Variants in SULF1 observed in about 807,000 individuals in gnomAD.
The protein encoded by SULF1 is sulfatase 1, also known as extracellular sulfatase Sulf-1.
SULF1 carries 46 observed loss-of-function variants against 110.5 expected under a neutral mutation model. That is an observed-to-expected ratio of 0.42 (90% CI 0.33 to 0.53). The LOEUF is 0.53. SULF1 is among the 20% of genes least tolerant of loss of function. The pLI is 0.12. For synonymous variants in SULF1, 371 were observed against 387.1 expected (o/e 0.96, Z 0.49); for missense variants, 941 against 1,094.2 (o/e 0.86, Z 1.98).
Position 69,604,011 on chromosome 8 carries a change from G to A in SULF1, c.1247+355G>A, listed in dbSNP as rs79418375. Among the ~76,000 whole-genome samples the A allele has an allele frequency of 4.6e-4, 70 of 152,302 alleles. 2 individuals are homozygous for A. The East Asian group carries it at 0.013, about 28-fold the overall frequency. ...TTCCCAACACAAGGAAAAGATAAATGAGATGATGAATATCCCAATTATCTT... is the reference window on the plus strand; with the variant it reads ...TTCCCAACACAAGGAAAAGATAAATAAGATGATGAATATCCCAATTATCTT... On this transcript the variant is annotated intron_variant, in intron 12 of 22. Transcript: ENST00000402687.
At chr8:69,468,236 A>G (rs1023076656) in intron 1 of SULF1, among the ~76,000 whole-genome samples, 2 of 152,194 alleles carry the variant, frequency 1.3e-5, no homozygotes, top group African/African-American at 4.8e-5. Context: ...TTCTATGAAT[A>G]ATATTGTATA....
At chr8:69,501,649 G>C (rs1250606030) in intron 2 of SULF1, among the ~76,000 whole-genome samples, 2 of 152,162 alleles carry the variant, frequency 1.3e-5, no homozygotes, top group Non-Finnish European at 2.9e-5. Flanking sequence ...TCTTTTCCTT[G>C]TTGGAGAAGC....
intron 13 of SULF1, among the ~76,000 whole-genome samples, chr8:69,619,084 A>G (rs1013191641): frequency 4.6e-5 from 7 of 152,184 alleles, no homozygotes; most frequent in Non-Finnish European, 8.8e-5. Flanking sequence ...ATTTATTTGA[A>G]TATATTTGAA....
At chr8:69,506,961 C>T (rs1032697276) in intron 3 of SULF1, among the ~76,000 whole-genome samples, 3 of 152,170 alleles carry the variant, frequency 2.0e-5, no homozygotes, top group Non-Finnish European at 4.4e-5. Context: ...CATTACTTTG[C>T]GGTGATGCTC....
chr8:69,471,400 G>GAA (rs11478873), intron 1 of SULF1, among the ~76,000 whole-genome samples: 2 of 139,700 alleles, frequency 1.4e-5, no homozygotes, highest in African/African-American at 5.2e-5. Flanking sequence ...GACAGGAAAC[G>GAA]AAAAAAAAAA....
At chr8:69,502,339 G>A (rs1346003248) in intron 3 of SULF1, among the ~76,000 whole-genome samples, 1 of 152,216 alleles carries the variant, frequency 6.6e-6, no homozygotes, top group African/African-American at 2.4e-5. Flanking sequence ...ATACTCCACA[G>A]TGTCAGGAGT....
At chr8:69,581,298 GA>G (rs1437517302) in intron 6 of SULF1, among the ~76,000 whole-genome samples, 1 of 152,168 alleles carries the variant, frequency 6.6e-6, no homozygotes, top group Non-Finnish European at 1.5e-5. Flanking sequence ...AATAAGATTT[GA>G]CTTTTCTGCG....
chr8:69,612,693 A>G (rs567171372), intron 13 of SULF1, among the ~76,000 whole-genome samples: 1 of 151,988 alleles, frequency 6.6e-6, no homozygotes, highest in African/African-American at 2.4e-5. Context: ...ACATTTTGAT[A>G]GAATTATTGG....
chr8:69,590,956 T>A (rs1806855656), intron 8 of SULF1, among the ~76,000 whole-genome samples: 3 of 152,288 alleles, frequency 2.0e-5, no homozygotes, highest in Admixed American at 1.3e-4. Context: ...CCCATTTCTG[T>A]TGAATCAGAA....
chr8:69,545,076 A>G (rs1814154536), intron 3 of SULF1, among the ~76,000 whole-genome samples: 2 of 135,796 alleles, frequency 1.5e-5, no homozygotes, highest in Admixed American at 8.3e-5. Flanking sequence ...ATAAAAAGAT[A>G]AAGGAATTCT....
At chr8:69,583,932 G>A (rs1407518283) in intron 6 of SULF1, among the ~76,000 whole-genome samples, 1 of 152,160 alleles carries the variant, frequency 6.6e-6, no homozygotes, top group East Asian at 1.9e-4. Context: ...AAAGAGAATT[G>A]CACAAGCAAA....
At chr8:69,569,532 G>T (rs139544400) in intron 5 of SULF1, among the ~76,000 whole-genome samples, 1 of 152,178 alleles carries the variant, frequency 6.6e-6, no homozygotes, top group East Asian at 1.9e-4. Flanking sequence ...ATGCCAAGGT[G>T]CAGGTGCCAT....
At position 69,545,364 on chromosome 8, in the gene SULF1, G is replaced by A. The variant is rs534678942; in HGVS notation, c.-133-18175G>A. On this transcript the variant is annotated intron_variant, in intron 3 of 22. Transcript: ENST00000402687. ...AATGGTTGTAGAATGAGAAAAAACA[G>A]TAGGGTTAGTTAGGAGATATAATTG... Among the ~76,000 whole-genome samples the A allele has an allele frequency of 4.6e-5, 7 of 152,310 alleles. No homozygotes were observed. In the South Asian group the frequency reaches 1.4e-3, roughly 32 times the overall value.
intron 18 of SULF1, among the ~76,000 whole-genome samples, chr8:69,628,504 T>G (rs1197966800): frequency 6.6e-6 from 1 of 152,210 alleles, no homozygotes; most frequent in Admixed American, 6.5e-5. Flanking sequence ...ATGGGACCAG[T>G]AACTAGATTT....
At chr8:69,532,181 T>G (rs922874068) in intron 3 of SULF1, among the ~76,000 whole-genome samples, 6 of 152,234 alleles carry the variant, frequency 3.9e-5, no homozygotes, top group Non-Finnish European at 5.9e-5. Context: ...ATTTCAAAAT[T>G]GTTCAAGTCA....
At chr8:69,515,157 T>C (rs1397939133) in intron 3 of SULF1, among the ~76,000 whole-genome samples, 1 of 152,120 alleles carries the variant, frequency 6.6e-6, no homozygotes, top group Non-Finnish European at 1.5e-5. Flanking sequence ...CATACTTCCG[T>C]AGTAGAGGCT....
chr8:69,553,243 T>C (rs1007751079), intron 3 of SULF1, among the ~76,000 whole-genome samples: 1 of 152,264 alleles, frequency 6.6e-6, no homozygotes, highest in Non-Finnish European at 1.5e-5. Context: ...AAAAACAGTT[T>C]ATGATCATTT....
At position 69,610,380 on chromosome 8, in the gene SULF1, A is replaced by G. The variant is rs73686108; in HGVS notation, c.1377+5448A>G. On this transcript the variant is annotated intron_variant, in intron 13 of 22. Transcript: ENST00000402687. ...GAATAATAAGACATTTACCATGGAG[A>G]TCCTCCTAGAATTGTTAGTTTTCCA... is the stretch of plus-strand genomic sequence containing the variant. Among the ~76,000 whole-genome samples, 773 of 152,282 alleles carry G rather than the reference A, an allele frequency of 5.1e-3. 6 individuals are homozygous for G. Among genetic ancestry groups the G allele is most frequent in the African/African-American group, 0.016 (678 of 41,560 alleles).
At chr8:69,576,329 T>A in intron 6 of SULF1, 120 bp downstream of exon 6, 1 of 1,203,662 alleles carries the variant, frequency 8.3e-7, no homozygotes, top group Non-Finnish European at 1.2e-6. Context: ...TCAAGTGTTT[T>A]TAAACTGCTT....
Sources: gnomAD v4.1 joint callset for allele counts (sites outside exome capture counted in the v4.1 genomes callset) on GRCh38, gnomAD v4.1.1 for gene constraint, MANE v1.5 for transcripts, NCBI Gene and HGNC (gene_info 2026-07-23, HGNC 2026-07-21) for gene names.